Variants in PRKCE observed in about 807,000 individuals in gnomAD.
PRKCE encodes protein kinase C epsilon type.
Under a neutral mutation model 85.4 loss-of-function variants are expected in PRKCE, and 16 were observed. The ratio of observed to expected loss-of-function variants is 0.19; its 90% confidence interval spans 0.13 to 0.28. The LOEUF (loss-of-function observed/expected upper bound fraction) is 0.28, where lower values mean the gene tolerates loss of function less well. Ranked by LOEUF, PRKCE falls within the 10% of genes least tolerant of loss-of-function variation. PRKCE has a pLI of 1.00. For synonymous variants in PRKCE, 388 were observed against 371.5 expected, an observed-to-expected ratio of 1.04 and a Z score of -0.51; for missense variants, 573 against 975.2, an observed-to-expected ratio of 0.59 and a Z score of 5.49.
intron 1 of PRKCE, among the ~76,000 whole-genome samples, chr2:45,825,939 G>C (rs1053991436): frequency 6.6e-6 from 1 of 152,028 alleles, no homozygotes; most frequent in African/African-American, 2.4e-5. Context: ...GGGGGGATGG[G>C]GGGATGATAG....
At chr2:45,755,478 T>A (rs1683928105) in intron 1 of PRKCE, among the ~76,000 whole-genome samples, 1 of 152,216 alleles carries the variant, frequency 6.6e-6, no homozygotes, top group Admixed American at 6.5e-5. Flanking sequence ...CTACGGTGAC[T>A]GCTAATGGCT....
intron 2 of PRKCE, among the ~76,000 whole-genome samples, chr2:45,938,700 C>A (rs1250766612): frequency 6.6e-6 from 1 of 151,286 alleles, no homozygotes; most frequent in East Asian, 1.9e-4. Flanking sequence ...GGTATCATGC[C>A]TTATTCAGCA....
chr2:45,702,191 A>G (rs1361554099), intron 1 of PRKCE, among the ~76,000 whole-genome samples: 1 of 152,126 alleles, frequency 6.6e-6, no homozygotes, highest in African/African-American at 2.4e-5. Context: ...TGTCTCAAAA[A>G]ACAACGACAA....
Position 45,719,729 on chromosome 2 carries a change from A to G in PRKCE, c.348+67281A>G, listed in dbSNP as rs371819286. On this transcript the variant is annotated intron_variant, in intron 1 of 14. Transcript: ENST00000306156. ...CTCCCCCTTTTACAATCTAGATCAA[A>G]CAAAATCATAACCCTCCTCCCCACA... 1.9e-4 allele frequency among the ~76,000 whole-genome samples: 29 copies of G among 152,276 alleles called. No individual in the cohort carries two copies. In the South Asian group the frequency reaches 2.5e-3, roughly 13 times the overall value.
At chr2:45,942,176 T>C (rs1047842496) in intron 2 of PRKCE, among the ~76,000 whole-genome samples, 11 of 152,260 alleles carry the variant, frequency 7.2e-5, no homozygotes, top group Non-Finnish European at 1.5e-5. Context: ...AGGCAGTTGC[T>C]ATAAGACATT....
intron 1 of PRKCE, among the ~76,000 whole-genome samples, chr2:45,783,801 G>A (rs983043033): frequency 6.6e-6 from 1 of 152,206 alleles, no homozygotes; most frequent in Non-Finnish European, 1.5e-5. Flanking sequence ...CGGGAAGTGT[G>A]CAAGCTCTAG....
intron 11 of PRKCE, among the ~76,000 whole-genome samples, chr2:46,120,596 A>G (rs937125395): frequency 6.6e-6 from 1 of 152,188 alleles, no homozygotes; most frequent in Non-Finnish European, 1.5e-5. Context: ...GAGTACAGCC[A>G]TATTTGCAGG....
chr2:45,987,071 T>C (rs977869338), intron 6 of PRKCE, among the ~76,000 whole-genome samples: 1 of 151,628 alleles, frequency 6.6e-6, no homozygotes, highest in Non-Finnish European at 1.5e-5. Context: ...ATCTATCTAG[T>C]GAACCTAAAT....
intron 1 of PRKCE, among the ~76,000 whole-genome samples, chr2:45,712,814 A>G (rs1461632005): frequency 6.6e-6 from 1 of 151,982 alleles, no homozygotes; most frequent in Non-Finnish European, 1.5e-5. Flanking sequence ...TTTGTTTAGG[A>G]GATGTTCAAC....
intron 7 of PRKCE, among the ~76,000 whole-genome samples, chr2:46,003,720 G>A (rs1055392524): frequency 2.0e-5 from 3 of 152,182 alleles, no homozygotes; most frequent in Admixed American, 6.5e-5. Flanking sequence ...GGAGGGGGAC[G>A]TTATGGAAGA....
chr2:45,819,996 G>T (rs914153003), intron 1 of PRKCE, among the ~76,000 whole-genome samples: 1 of 152,150 alleles, frequency 6.6e-6, no homozygotes, highest in Non-Finnish European at 1.5e-5. Flanking sequence ...TTTAAGGGGT[G>T]TTGGGAGTAA....
At chr2:45,778,488 C>T (rs1259024826) in intron 1 of PRKCE, among the ~76,000 whole-genome samples, 3 of 152,126 alleles carry the variant, frequency 2.0e-5, no homozygotes, top group Admixed American at 1.3e-4. Flanking sequence ...GGCAGGTTCT[C>T]GCCTTTGGCT....
chr2:45,753,304 C>A (rs1446962331), intron 1 of PRKCE, among the ~76,000 whole-genome samples: 2 of 152,156 alleles, frequency 1.3e-5, no homozygotes, highest in African/African-American at 2.4e-5. Flanking sequence ...TAACAAGTTC[C>A]CAGGTGATGC....
intron 2 of PRKCE, among the ~76,000 whole-genome samples, chr2:45,973,766 G>A (rs141431516): frequency 3.3e-5 from 5 of 152,296 alleles, no homozygotes; most frequent in African/African-American, 7.2e-5. Flanking sequence ...TTCATTGCTC[G>A]TCATTTCTGT....
chr2:45,906,641 G>T (rs1293511212), intron 2 of PRKCE, among the ~76,000 whole-genome samples: 1 of 152,130 alleles, frequency 6.6e-6, no homozygotes, highest in Non-Finnish European at 1.5e-5. Context: ...TAGGTTGGGG[G>T]AAGCTATCTC....
At chr2:45,964,774 CT>C (rs1286039263) in intron 2 of PRKCE, among the ~76,000 whole-genome samples, 1 of 152,190 alleles carries the variant, frequency 6.6e-6, no homozygotes, top group African/African-American at 2.4e-5. Context: ...GGTTTGGCAT[CT>C]TCTTTTCTCA....
At chr2:45,988,169 C>T (rs1181500511) in intron 6 of PRKCE, among the ~76,000 whole-genome samples, 1 of 152,232 alleles carries the variant, frequency 6.6e-6, no homozygotes, top group African/African-American at 2.4e-5. Context: ...CTCTGGTCCC[C>T]TGGTCCTGGC....
intron 2 of PRKCE, among the ~76,000 whole-genome samples, chr2:45,943,649 C>T (rs4953291): frequency 0.095 from 14,373 of 152,092 alleles, 1,130 homozygotes; most frequent in Admixed American, 0.25. Context: ...TCTCAGAGGC[C>T]TTTGAGGAGG....
intron 2 of PRKCE, among the ~76,000 whole-genome samples, chr2:45,879,868 T>G (rs1456790553): frequency 6.6e-6 from 1 of 152,256 alleles, no homozygotes; most frequent in African/African-American, 2.4e-5. Flanking sequence ...AAACACTTAT[T>G]TCTTTGTGTT....
Sources: gnomAD v4.1 joint callset for allele counts (sites outside exome capture counted in the v4.1 genomes callset) on GRCh38, gnomAD v4.1.1 for gene constraint, MANE v1.5 for transcripts, NCBI Gene and HGNC (gene_info 2026-07-23, HGNC 2026-07-21) for gene names.